Variants in TNIK observed in about 807,000 individuals in gnomAD.
The protein encoded by TNIK is TRAF2 and NCK-interacting protein kinase.
A neutral mutation model predicts 191.3 loss-of-function variants in TNIK; 49 were observed. The ratio of observed to expected loss-of-function variants is 0.26; its 90% CI spans 0.20 to 0.32. The LOEUF is 0.32. Ranked by LOEUF, TNIK falls within the 10% of genes least tolerant of loss-of-function variation. The probability of loss-of-function intolerance (pLI) is 1.00; values close to 1 mark genes in which losing one functional copy is unlikely to be tolerated. For synonymous variants in TNIK, 594 were observed against 600.9 expected (o/e 0.99, Z 0.17); for missense variants, 1,155 against 1,702.3 (o/e 0.68, Z 5.66).
chr3:171,427,713 C>T (rs1560060947), intron 1 of TNIK, among the ~76,000 whole-genome samples: 1 of 152,162 alleles, frequency 6.6e-6, no homozygotes, highest in Non-Finnish European at 1.5e-5. Context: ...GGTACTATAA[C>T]AACGAACAAA....
In TNIK at chr3:171,139,454, T is replaced by G. The variant is rs772407126; in HGVS notation, c.1419+16A>C. 2 of 1,612,010 alleles carry G rather than the reference T, an allele frequency of 1.2e-6. No homozygotes were observed. The highest frequency in any genetic ancestry group is 1.7e-6 in the Non-Finnish European group (2 of 1,178,746). ...GAACACAGAGCAGGTCAGCTGGTTC[T>G]TGGCTTTCTCATTACCAGAAGTAGA... On this transcript the variant is annotated intron_variant, in intron 14 of 32. Transcript: ENST00000436636.
intron 2 of TNIK, among the ~76,000 whole-genome samples, chr3:171,348,440 T>C (rs1712612148): frequency 6.6e-6 from 1 of 152,112 alleles, no homozygotes; most frequent in Non-Finnish European, 1.5e-5. Context: ...TTAGATCTCT[T>C]GAAGAGGATG....
At position 171,460,190 on chromosome 3, in the gene TNIK, C is replaced by A; in HGVS notation, c.-127G>T. On this transcript the variant is annotated 5_prime_UTR_variant, in exon 1 of 33. Coordinates refer to ENST00000436636, the MANE Select transcript of TNIK (RefSeq NM_015028.4). This position sits in a 1 kb window ranked among gnomAD's most constrained non-coding sequence, Gnocchi z 6.8. ...CGCCAGAGGCCCCGGGCCCAGCCTCCCCCGCCCACCCCAGCCCCACAGCGC... is the reference window on the plus strand; with the variant it reads ...CGCCAGAGGCCCCGGGCCCAGCCTCACCCGCCCACCCCAGCCCCACAGCGC... 4 of 1,180,618 alleles carry A rather than the reference C, an allele frequency of 3.4e-6. No individual in the cohort carries two copies. Among genetic ancestry groups the A allele is most frequent in the Non-Finnish European group, 3.6e-6 (3 of 832,172 alleles). The allele number at this position is 1,180,618 out of a possible 1,614,324, so 73.1% of individuals were successfully genotyped here.
intron 14 of TNIK, 59 bp from the exon 15 acceptor site, chr3:171,138,438 G>C: frequency 7.0e-7 from 1 of 1,428,044 alleles, no homozygotes. Flanking sequence ...AGAAATCATC[G>C]GCCAGTACCA....
chr3:171,334,548 A>C (rs915752966), intron 2 of TNIK, among the ~76,000 whole-genome samples: 1 of 152,232 alleles, frequency 6.6e-6, no homozygotes, highest in African/African-American at 2.4e-5. Context: ...CCTGGCACTC[A>C]GGAGCAGCAT....
intron 1 of TNIK, among the ~76,000 whole-genome samples, chr3:171,407,383 T>C (rs1013699145): frequency 2.0e-5 from 3 of 152,222 alleles, no homozygotes; most frequent in Non-Finnish European, 4.4e-5. Flanking sequence ...TAGAAACGTT[T>C]TATTTGTAAA....
chr3:171,192,142 A>G (rs1320088176), intron 5 of TNIK, among the ~76,000 whole-genome samples: 1 of 152,348 alleles, frequency 6.6e-6, no homozygotes, highest in Admixed American at 6.5e-5. Context: ...AACATAAACC[A>G]TGTTATAGAA....
intron 2 of TNIK, among the ~76,000 whole-genome samples, chr3:171,293,611 A>C (rs1446605137): frequency 6.6e-6 from 1 of 152,234 alleles, no homozygotes. Context: ...AACAGGTCTC[A>C]TGCAAAGAAC....
chr3:171,112,118 T>A (rs575037455), intron 18 of TNIK, among the ~76,000 whole-genome samples: 1 of 152,330 alleles, frequency 6.6e-6, no homozygotes, highest in Non-Finnish European at 1.5e-5. Context: ...ATTAACTTGA[T>A]TTTAGTAATC....
intron 2 of TNIK, among the ~76,000 whole-genome samples, chr3:171,278,214 T>C (rs1179534138): frequency 6.6e-6 from 1 of 152,182 alleles, no homozygotes; most frequent in Non-Finnish European, 1.5e-5. Context: ...TCTCTCCCTT[T>C]CACAATAATG....
At position 171,330,202 on chromosome 3, in the gene TNIK, G is replaced by A. The variant is rs558432002; in HGVS notation, c.123+39418C>T. On this transcript the variant is annotated intron_variant, in intron 2 of 32. Coordinates refer to ENST00000436636, the MANE Select transcript of TNIK (RefSeq NM_015028.4). ...TGCTGGTTTTTCATCTGGGAAATGC[G>A]CTTATTAGATACTGACCCCAAATCA... Among the ~76,000 whole-genome samples, 15 of 152,286 alleles carry A rather than the reference G, an allele frequency of 9.8e-5. No individual in the cohort carries two copies. The East Asian group carries it at 2.1e-3, about 22-fold the overall frequency.
Position 171,430,186 on chromosome 3 carries a change from C to T in TNIK, c.57+29821G>A, listed in dbSNP as rs547625878. Among the ~76,000 whole-genome samples the T allele has an allele frequency of 6.6e-5, 10 of 152,272 alleles. No individual in the cohort carries two copies. In the East Asian group the frequency reaches 1.9e-3, roughly 29 times the overall value. ...ACCAAATACGGTATTTAGCATATAG[C>T]TATCCCTCAAGAAACTTGAGTTTTG... is the stretch of plus-strand genomic sequence containing the variant. On this transcript the variant is annotated intron_variant, in intron 1 of 32. Coordinates refer to ENST00000436636, the MANE Select transcript of TNIK (RefSeq NM_015028.4).
intron 4 of TNIK, among the ~76,000 whole-genome samples, chr3:171,203,114 G>A (rs1437704480): frequency 6.6e-6 from 1 of 151,948 alleles, no homozygotes. Context: ...CGTCACACAA[G>A]GGTGGTTAAA....
intron 3 of TNIK, among the ~76,000 whole-genome samples, chr3:171,221,460 T>C (rs1217285640): frequency 2.0e-5 from 3 of 152,286 alleles, no homozygotes; most frequent in African/African-American, 4.8e-5. Flanking sequence ...AAATCATTTA[T>C]TGGCCACCCA....
intron 4 of TNIK, among the ~76,000 whole-genome samples, chr3:171,208,154 G>C (rs2108898594): frequency 6.6e-6 from 1 of 152,076 alleles, no homozygotes; most frequent in Non-Finnish European, 1.5e-5. Flanking sequence ...AAGAAAGTGA[G>C]ACAAAAAAAT....
chr3:171,111,245 G>A (rs959422887), intron 18 of TNIK, among the ~76,000 whole-genome samples: 2 of 151,940 alleles, frequency 1.3e-5, no homozygotes, highest in African/African-American at 2.4e-5. Flanking sequence ...AACATAGTGA[G>A]ATCCCATCTC....
chr3:171,319,017 T>C (rs1387829413), intron 2 of TNIK, among the ~76,000 whole-genome samples: 1 of 151,718 alleles, frequency 6.6e-6, no homozygotes, highest in African/African-American at 2.4e-5. Flanking sequence ...TTAAAATACA[T>C]AAATAAAAAA....
At chr3:171,246,087 C>G (rs192289048) in intron 2 of TNIK, among the ~76,000 whole-genome samples, 1 of 152,040 alleles carries the variant, frequency 6.6e-6, no homozygotes, top group Non-Finnish European at 1.5e-5. Flanking sequence ...GGGAGGAAGA[C>G]GAGTGTGCTG....
At chr3:171,066,450 A>T in intron 31 of TNIK, 124 bp from the exon 32 acceptor site, 1 of 1,551,720 alleles carries the variant, frequency 6.4e-7, no homozygotes, top group Non-Finnish European at 8.8e-7. Context: ...AGCAAGTCTT[A>T]CAAGAGTTAT....
Sources: gnomAD v4.1 joint callset for allele counts (sites outside exome capture counted in the v4.1 genomes callset) on GRCh38, gnomAD v4.1.1 for gene constraint, Gnocchi (gnomAD v3.1) non-coding constraint, MANE v1.5 for transcripts, NCBI Gene and HGNC (gene_info 2026-07-23, HGNC 2026-07-21) for gene names.